PCNX4: variants seen among roughly 807,000 people sequenced by gnomAD.
The protein encoded by PCNX4 is pecanex-like protein 4.
In PCNX4, 103 loss-of-function variants were observed where a neutral mutation model predicts 107.2. The observed-to-expected ratio is 0.96, with a 90% CI of 0.82 to 1.13. The LOEUF is 1.13. Among genes scored for constraint, PCNX4 ranks in the 50% most tolerant of loss-of-function variants. The pLI is 0.00. For missense variants in PCNX4, 1,528 were observed against 1,379.4 expected (o/e 1.11, Z -1.71); for synonymous variants, 541 against 481.7 (o/e 1.12, Z -1.61).
intron 1 of PCNX4, among the ~76,000 whole-genome samples, chr14:60,097,197 A>G (rs943817926): frequency 1.3e-5 from 2 of 152,206 alleles, no homozygotes; most frequent in African/African-American, 4.8e-5. Flanking sequence ...GCTGGCATTG[A>G]CAACTAATAA....
intron 7 of PCNX4, among the ~76,000 whole-genome samples, chr14:60,119,764 G>A (rs372873344): frequency 2.0e-5 from 3 of 152,154 alleles, no homozygotes; most frequent in African/African-American, 7.2e-5. Flanking sequence ...ACCAAGAATT[G>A]CGTTATAAAG....
intron 7 of PCNX4, 42 bp from the exon 8 acceptor site, chr14:60,121,154 T>C: frequency 6.5e-7 from 1 of 1,546,606 alleles, no homozygotes; most frequent in African/African-American, 1.4e-5. Flanking sequence ...AGTTTGAAAA[T>C]GATTTTCTTT....
At position 60,135,582 on chromosome 14, in the gene PCNX4, TCG is replaced by T. The variant is rs1896229110; in HGVS notation, c.*1363_*1364del. On this transcript the variant is annotated 3_prime_UTR_variant, in exon 11 of 11. Transcript: ENST00000406854. ...TTTTTTTTTTTTCCGAGATGGAATC[TCG>T]CTCTGTCACCCAGGCTGGGGTGCAG... The T allele has an allele frequency of 1.3e-5, 2 of 152,028 alleles. 1 individual carries two copies. The highest frequency in any genetic ancestry group is 1.3e-4 in the Admixed American group (2 of 15,256). 9.4% of individuals were successfully genotyped at this position (152,028 alleles called of 1,614,324 possible).
At chr14:60,133,560 T>C (rs1436086179) in intron 10 of PCNX4, 2 of 422,868 alleles carry the variant, frequency 4.7e-6, no homozygotes, top group East Asian at 7.1e-5. Flanking sequence ...CTGAATTGCA[T>C]ATAGTAAGTA....
chr14:60,113,856 T>C (rs572627246), intron 2 of PCNX4, among the ~76,000 whole-genome samples: 1 of 152,314 alleles, frequency 6.6e-6, no homozygotes, highest in East Asian at 1.9e-4. Context: ...AGTAATATAT[T>C]GATAATGTTT....
At chr14:60,115,605 T>C (rs1187330526) in intron 4 of PCNX4, 114 bp from the exon 5 acceptor site, 3 of 1,341,212 alleles carry the variant, frequency 2.2e-6, no homozygotes, top group Non-Finnish European at 3.0e-6. Flanking sequence ...GTTTATTGGC[T>C]TTTTAGTTCA....
At chr14:60,132,861 T>C (rs1329026231) in intron 10 of PCNX4, among the ~76,000 whole-genome samples, 1 of 152,190 alleles carries the variant, frequency 6.6e-6, no homozygotes, top group Non-Finnish European at 1.5e-5. Context: ...TCCGTATAAT[T>C]AGTCATCAGG....
Position 60,137,229 on chromosome 14 carries a change from G to A in PCNX4, c.*3008G>A, listed in dbSNP as rs908928873. The A allele has an allele frequency of 2.0e-5, 3 of 152,216 alleles. No homozygotes were observed. 9.4% of individuals were successfully genotyped at this position (152,216 alleles called of 1,614,324 possible). ...AGACATGCCAATTCAGGATAAGGTG[G>A]TTGAGAGTCTGAGACGCTAAGTAAC... On this transcript the variant is annotated 3_prime_UTR_variant, in exon 11 of 11. Transcript: ENST00000406854.
At chr14:60,104,111 G>T (rs1000158104) in intron 1 of PCNX4, among the ~76,000 whole-genome samples, 3 of 152,058 alleles carry the variant, frequency 2.0e-5, no homozygotes, top group African/African-American at 7.2e-5. Context: ...ATGAGGTCAG[G>T]AGTTCAAGAC....
In PCNX4 at chr14:60,107,772, T is replaced by G. The variant is rs1390064934; in HGVS notation, c.134T>G (p.Ile45Ser). ...CAPPYIYVNQ[I>S]ILFLMPWVWG... is the part of the protein sequence containing the mutation. ...CCTCCTTACATATATGTTAATCAAA[T>G]TATTCTTTTTCTAATGCCATGGGTT... Residue 45 changes from isoleucine to serine, a missense_variant, in exon 2 of 11, where the codon ATT becomes AGT. By Grantham distance (142) the Ile-to-Ser change is moderately radical. Transcript: ENST00000406854. 2 of 1,612,686 alleles carry G rather than the reference T, an allele frequency of 1.2e-6. No individual in the cohort carries two copies. Among genetic ancestry groups the G allele is most frequent in the Non-Finnish European group, 1.7e-6 (2 of 1,179,830 alleles).
In PCNX4 at chr14:60,134,204, CACAT is replaced by C. The variant is rs749004707; in HGVS notation, c.3507_3510del (p.His1170CysfsTer21). Reference sequence around the variant, plus strand: ...TCCGATTTATTCTTCAAAACCTCTCCACATACATTTGTATTAGAGCTCATTTTGA... The same window carrying C: ...TCCGATTTATTCTTCAAAACCTCTCCACATTTGTATTAGAGCTCATTTTGA... On this transcript the variant is annotated frameshift_variant, in exon 11 of 11. Transcript: ENST00000406854. LOFTEE classifies it high-confidence loss of function. 6.2e-7 allele frequency: 1 copy of C among 1,613,434 alleles called. No homozygotes were observed. Among genetic ancestry groups the C allele is most frequent in the Non-Finnish European group, 8.5e-7 (1 of 1,179,566 alleles).
At chr14:60,126,049 T>C (rs1487254811) in intron 10 of PCNX4, 1 of 331,190 alleles carries the variant, frequency 3.0e-6, no homozygotes, top group African/African-American at 2.1e-5. Flanking sequence ...AAAAATGTTG[T>C]GTAGCCATAG....
intron 10 of PCNX4, among the ~76,000 whole-genome samples, chr14:60,130,310 T>C (rs887500185): frequency 2.0e-5 from 3 of 148,454 alleles, no homozygotes; most frequent in African/African-American, 7.4e-5. Context: ...TATTAATATA[T>C]AAATATGTAA....
At chr14:60,116,927 T>G (rs1895860345) in intron 6 of PCNX4, among the ~76,000 whole-genome samples, 1 of 152,094 alleles carries the variant, frequency 6.6e-6, no homozygotes, top group Non-Finnish European at 1.5e-5. Flanking sequence ...AAAAAAGTTT[T>G]AAAAGTTAAA....
intron 10 of PCNX4, among the ~76,000 whole-genome samples, chr14:60,126,443 T>C (rs918320922): frequency 3.3e-5 from 5 of 152,184 alleles, no homozygotes; most frequent in African/African-American, 1.2e-4. Flanking sequence ...ATTCTTTTTT[T>C]TAAGTAACCA....
intron 1 of PCNX4, among the ~76,000 whole-genome samples, chr14:60,103,101 C>G (rs1895563930): frequency 6.6e-6 from 1 of 152,150 alleles, no homozygotes; most frequent in Non-Finnish European, 1.5e-5. Context: ...TGCTACCTGT[C>G]AAATTTCTCT....
chr14:60,116,119 C>G, intron 6 of PCNX4, 59 bp downstream of exon 6: 1 of 1,422,770 alleles, frequency 7.0e-7, no homozygotes. Flanking sequence ...AATATTTGTC[C>G]ATTTAGTGGT....
chr14:60,133,563 A>G (rs896467406), intron 10 of PCNX4: 4 of 425,282 alleles, frequency 9.4e-6, no homozygotes, highest in African/African-American at 8.3e-5. Flanking sequence ...AATTGCATAT[A>G]GTAAGTAAAT....
rs780108214 is a variant in PCNX4 at position 60,134,037 on chromosome 14, AAGCTGTTAG to A, written c.3338_3346del (p.Ala1113_Arg1115del). 6.2e-7 allele frequency: 1 copy of A among 1,613,768 alleles called. No individual in the cohort carries two copies. The highest frequency in any genetic ancestry group is 2.2e-5 in the East Asian group (1 of 44,860). Reference sequence around the variant, plus strand: ...ATCCAAGTGGGAAAGTTAAATCCTGAAGCTGTTAGAGGTCAGTGGGCCAATCTTTCATGG... The same window carrying A: ...ATCCAAGTGGGAAAGTTAAATCCTGAAGGTCAGTGGGCCAATCTTTCATGG... On this transcript the variant is annotated inframe_deletion, in exon 11 of 11. Transcript: ENST00000406854.
Sources: gnomAD v4.1 joint callset for allele counts (sites outside exome capture counted in the v4.1 genomes callset) on GRCh38, gnomAD v4.1.1 for gene constraint, MANE v1.5 for transcripts, NCBI Gene and HGNC (gene_info 2026-07-23, HGNC 2026-07-21) for gene names.